The following MEF2C variants were observed in gnomAD, a reference collection of about 807,000 sequenced individuals.
MEF2C encodes myocyte enhancer factor 2C.
MEF2C carries 6 observed loss-of-function variants against 50.5 expected under a neutral mutation model. That is an observed-to-expected ratio of 0.12 (90% CI 0.07 to 0.23). The LOEUF is 0.23. Among genes scored for constraint, MEF2C ranks in the 10% least tolerant of loss-of-function variants. The pLI is 1.00. For missense variants in MEF2C, 276 were observed against 605.0 expected (o/e 0.46, Z 5.70); for synonymous variants, 183 against 228.0 (o/e 0.80, Z 1.78).
At chr5:88,789,137 T>G (rs906951220) in intron 3 of MEF2C, among the ~76,000 whole-genome samples, 8 of 152,068 alleles carry the variant, frequency 5.3e-5, no homozygotes, top group Non-Finnish European at 1.2e-4. Flanking sequence ...AATAAGTTAC[T>G]ATTATTAATT....
intron 1 of MEF2C, chr5:88,878,083 C>T (rs1353197503): frequency 6.6e-6 from 1 of 151,984 alleles, no homozygotes; most frequent in African/African-American, 2.4e-5. Flanking sequence ...TGTAATAGCA[C>T]TGTATTATTG....
At chr5:88,868,303 T>C (rs981843780) in intron 1 of MEF2C, among the ~76,000 whole-genome samples, 1 of 152,150 alleles carries the variant, frequency 6.6e-6, no homozygotes, top group African/African-American at 2.4e-5. Context: ...TTACAAGCAT[T>C]TCACAAGGCA....
In MEF2C at chr5:88,850,121, A is replaced by T. The variant is rs561177746; in HGVS notation, c.-142-26191T>A. Among the ~76,000 whole-genome samples, 7 of 148,886 alleles carry T rather than the reference A, an allele frequency of 4.7e-5. No individual in the cohort carries two copies. In the East Asian group the frequency reaches 1.4e-3, roughly 30 times the overall value. On this transcript the variant is annotated intron_variant, in intron 1 of 10. Transcript: ENST00000504921. ...CCATAACAGGCCCCGGTGTGTGATG[A>T]TCCCCTTCCTGTGTGCATGTGCTTT...
At chr5:88,833,232 C>T (rs1267192610) in intron 1 of MEF2C, among the ~76,000 whole-genome samples, 4 of 152,078 alleles carry the variant, frequency 2.6e-5, no homozygotes, top group Non-Finnish European at 1.5e-5. Context: ...ATAGAAAATA[C>T]TTACCAGCCT....
intron 1 of MEF2C, among the ~76,000 whole-genome samples, chr5:88,862,348 G>A (rs1825792304): frequency 6.6e-6 from 1 of 152,060 alleles, no homozygotes; most frequent in Non-Finnish European, 1.5e-5. Flanking sequence ...GTGTATGTTT[G>A]TTTGGCAACA....
intron 6 of MEF2C, chr5:88,740,951 TAG>T: frequency 1.0e-6 from 1 of 985,440 alleles, no homozygotes; most frequent in Non-Finnish European, 1.2e-6. Flanking sequence ...CAGTATAAAT[TAG>T]AGAGAGCATG....
chr5:88,782,333 G>A (rs1218083831), intron 3 of MEF2C: 12 of 204,264 alleles, frequency 5.9e-5, no homozygotes, highest in Non-Finnish European at 8.6e-5. Context: ...GGGTGTGGTG[G>A]TATGTGCCTG....
intron 1 of MEF2C, among the ~76,000 whole-genome samples, chr5:88,827,662 A>G (rs1464151112): frequency 6.6e-6 from 1 of 152,020 alleles, no homozygotes; most frequent in Non-Finnish European, 1.5e-5. Context: ...ATAAGAAAAC[A>G]AACACATTGA....
rs1036719232 is a variant in MEF2C, at chr5:88,729,489, C to G, written c.835-142G>C. 6 of 754,798 alleles carry G rather than the reference C, an allele frequency of 7.9e-6. No homozygotes were observed. In the Admixed American group the frequency reaches 1.5e-4, roughly 18 times the overall value. 46.8% of individuals were successfully genotyped at this position (754,798 alleles called of 1,614,324 possible). On this transcript the variant is annotated intron_variant, in intron 8 of 10. Transcript: ENST00000504921. ...ATCATTTAACATGTGTCTCTATGAA[C>G]TCTGCCAACCCTATCATTTACAATC... is the stretch of plus-strand genomic sequence containing the variant.
At chr5:88,799,870 T>TCATACACA (rs70996496) in intron 3 of MEF2C, among the ~76,000 whole-genome samples, 100 of 107,522 alleles carry the variant, frequency 9.3e-4, no homozygotes, top group African/African-American at 2.4e-3. Flanking sequence ...TCTCTCTCTC[T>TCATACACA]CACACACACA....
chr5:88,865,894 C>CTT (rs373415690), intron 1 of MEF2C, among the ~76,000 whole-genome samples: 2 of 143,996 alleles, frequency 1.4e-5, no homozygotes. Context: ...CATTTCTTTT[C>CTT]TTTTTTTTTT....
chr5:88,788,648 A>T (rs1233329013), intron 3 of MEF2C, among the ~76,000 whole-genome samples: 1 of 152,230 alleles, frequency 6.6e-6, no homozygotes, highest in Non-Finnish European at 1.5e-5. Context: ...GGATAGTGAG[A>T]CTGAAAAGCT....
chr5:88,751,949 T>C lies in MEF2C; in HGVS notation c.497A>G (p.Asn166Ser). 6.2e-7 allele frequency: 1 copy of C among 1,614,006 alleles called. No individual in the cohort carries two copies. Among genetic ancestry groups the C allele is most frequent in the Non-Finnish European group, 8.5e-7 (1 of 1,179,876 alleles). ...GTGAGCCAGTGGCAATAGGTTGGGG[T>C]TTCCCAGTGAGCTGACAGGGTTGCT... is the stretch of plus-strand genomic sequence containing the variant. ...VYSNPVSSLG[N>S]PNLLPLAHPS... The change falls in exon 5 of 11, where the codon AAC becomes AGC. Residue 166 changes from asparagine (N) to serine (S), a missense_variant. By Grantham distance (46) the Asn-to-Ser change is conservative (BLOSUM62 1). Around this residue, in one of 2 missense-constraint regions of MEF2C, gnomAD observed 256 missense variants for 468.1 expected, o/e 0.55. Transcript: ENST00000504921.
At chr5:88,860,580 T>G (rs1825156460) in intron 1 of MEF2C, among the ~76,000 whole-genome samples, 1 of 152,156 alleles carries the variant, frequency 6.6e-6, no homozygotes, top group Non-Finnish European at 1.5e-5. Flanking sequence ...TGCAGCCCAA[T>G]GGGGTGGTCA....
intron 4 of MEF2C, chr5:88,752,657 T>C (rs2152532913): frequency 1.0e-6 from 1 of 985,406 alleles, no homozygotes; most frequent in East Asian, 1.1e-4. Context: ...GAAAACACTA[T>C]GCTTCATATT....
chr5:88,819,453 A>C, intron 2 of MEF2C: 1 of 891,192 alleles, frequency 1.1e-6, no homozygotes, highest in Non-Finnish European at 1.3e-6. Flanking sequence ...CTACAGTCAT[A>C]CACCAGGCTT....
At chr5:88,757,689 GC>G (rs1015399714) in intron 4 of MEF2C, among the ~76,000 whole-genome samples, 1 of 152,170 alleles carries the variant, frequency 6.6e-6, no homozygotes, top group African/African-American at 2.4e-5. Context: ...GCCGAGACGG[GC>G]GGATCACTTG....
At chr5:88,892,842 G>A (rs1834739363) in intron 1 of MEF2C, among the ~76,000 whole-genome samples, 1 of 152,170 alleles carries the variant, frequency 6.6e-6, no homozygotes, top group Admixed American at 6.6e-5. Flanking sequence ...TTAGGTCAGA[G>A]TCCGCTCAGA....
chr5:88,846,092 C>G (rs1266884378), intron 1 of MEF2C, among the ~76,000 whole-genome samples: 2 of 141,802 alleles, frequency 1.4e-5, no homozygotes, highest in African/African-American at 2.6e-5. Flanking sequence ...TTTTGAGATG[C>G]ATTCTAGCTC....
Sources: allele counts gnomAD v4.1 joint callset (sites outside exome capture counted in the v4.1 genomes callset), GRCh38; gene constraint gnomAD v4.1.1; regional missense constraint gnomAD v4.1.1; transcripts MANE v1.5; gene names NCBI Gene and HGNC (gene_info 2026-07-23, HGNC 2026-07-21).